The following DOCK2 variants were observed in gnomAD, a reference collection of about 807,000 sequenced individuals.
The protein encoded by DOCK2 is dedicator of cytokinesis protein 2.
In DOCK2, 87 loss-of-function variants were observed where a neutral mutation model predicts 248.9. The observed-to-expected ratio is 0.35, with a 90% CI of 0.29 to 0.42. The LOEUF (loss-of-function observed/expected upper bound fraction) is 0.42, where lower values mean the gene tolerates loss of function less well. DOCK2 is among the 10% of genes least tolerant of loss of function. DOCK2 has a pLI of 1.00. For synonymous variants in DOCK2, 805 were observed against 821.6 expected (o/e 0.98, Z 0.35); for missense variants, 1,747 against 2,300.2 (o/e 0.76, Z 4.92).
At chr5:170,078,254 C>T (rs1004860435) in intron 48 of DOCK2, among the ~76,000 whole-genome samples, 1 of 152,208 alleles carries the variant, frequency 6.6e-6, no homozygotes, top group Non-Finnish European at 1.5e-5. Context: ...CCTGCACCAC[C>T]TACCCACCCC....
At chr5:169,872,798 G>A (rs1275162493) in intron 27 of DOCK2, among the ~76,000 whole-genome samples, 1 of 152,184 alleles carries the variant, frequency 6.6e-6, no homozygotes, top group Non-Finnish European at 1.5e-5. Flanking sequence ...TTTGAGCCCT[G>A]GCTCCCTGGG....
At chr5:170,079,905 C>T (rs1007651623) in intron 49 of DOCK2, 16 of 425,908 alleles carry the variant, frequency 3.8e-5, no homozygotes, top group African/African-American at 5.9e-5. Context: ...CTGTGTTTGT[C>T]GATTCTAGGG....
intron 27 of DOCK2, among the ~76,000 whole-genome samples, chr5:169,915,959 T>C (rs564375702): frequency 6.6e-6 from 1 of 152,330 alleles, no homozygotes; most frequent in South Asian, 2.1e-4. Flanking sequence ...TGCTGAATTC[T>C]GTAAGATGAT....
chr5:170,034,620 G>T (rs187180782), intron 35 of DOCK2, 65 bp downstream of exon 35: 43 of 1,588,302 alleles, frequency 2.7e-5, no homozygotes, highest in Non-Finnish European at 5.1e-6. Flanking sequence ...CTTGGCTTTG[G>T]GTCTCACGAT....
intron 27 of DOCK2, among the ~76,000 whole-genome samples, chr5:169,911,220 C>T (rs1383779878): frequency 6.6e-6 from 1 of 152,180 alleles, no homozygotes; most frequent in East Asian, 1.9e-4. Context: ...TGCTTTGAAA[C>T]AGAGGATAAG....
intron 27 of DOCK2, among the ~76,000 whole-genome samples, chr5:169,978,041 C>T (rs554803177): frequency 2.6e-5 from 4 of 152,312 alleles, no homozygotes; most frequent in African/African-American, 9.6e-5. Context: ...GTCTCTGAGC[C>T]TCCCTCGGCA....
intron 1 of DOCK2, among the ~76,000 whole-genome samples, chr5:169,644,672 A>C (rs576219580): frequency 1.3e-5 from 2 of 151,016 alleles, no homozygotes; most frequent in Admixed American, 6.6e-5. Context: ...AGTGCAGAAC[A>C]TGCAGGTTTG....
chr5:169,702,775 C>T (rs1761058282), intron 14 of DOCK2, among the ~76,000 whole-genome samples: 1 of 152,030 alleles, frequency 6.6e-6, no homozygotes, highest in Non-Finnish European at 1.5e-5. Flanking sequence ...CTCACTGAAA[C>T]CTGAGCTGGT....
intron 27 of DOCK2, among the ~76,000 whole-genome samples, chr5:169,961,556 G>C (rs1777085921): frequency 6.6e-6 from 1 of 152,196 alleles, no homozygotes; most frequent in Non-Finnish European, 1.5e-5. Flanking sequence ...GGACTAAGCA[G>C]ACATTTCTCT....
Position 169,820,036 on chromosome 5 carries a change from CTG to C in DOCK2, c.2703+16831_2703+16832del, listed in dbSNP as rs906750818. Among the ~76,000 whole-genome samples the C allele has an allele frequency of 9.8e-4, 149 of 152,338 alleles. 1 individual carries two copies. The highest frequency in any genetic ancestry group is 3.4e-3 in the African/African-American group (142 of 41,584). On this transcript the variant is annotated intron_variant, in intron 26 of 51. Transcript: ENST00000520908. ...CCTCGCTCGTTGCTAGCACAGCAGTCTGAGATCGAACTGCAAGGCAACAGCGA... is the reference window on the plus strand; with the variant it reads ...CCTCGCTCGTTGCTAGCACAGCAGTCAGATCGAACTGCAAGGCAACAGCGA...
intron 27 of DOCK2, among the ~76,000 whole-genome samples, chr5:169,948,012 G>T (rs1776514141): frequency 6.6e-6 from 1 of 151,974 alleles, no homozygotes; most frequent in African/African-American, 2.4e-5. Context: ...TTCCTCTCAG[G>T]CCTTTCCTCT....
At chr5:169,929,450 C>T (rs142753663) in intron 27 of DOCK2, among the ~76,000 whole-genome samples, 2 of 152,150 alleles carry the variant, frequency 1.3e-5, no homozygotes, top group Non-Finnish European at 2.9e-5. Context: ...AAGAAGTCAT[C>T]CTGTGGCCAG....
chr5:169,766,671 T>G (rs1050789735), intron 25 of DOCK2, among the ~76,000 whole-genome samples: 4 of 152,230 alleles, frequency 2.6e-5, no homozygotes, highest in Non-Finnish European at 4.4e-5. Context: ...CAAACTGCTT[T>G]CCATGATGGC....
intron 23 of DOCK2, among the ~76,000 whole-genome samples, chr5:169,754,371 T>C: frequency 6.6e-6 from 1 of 152,184 alleles, no homozygotes. Flanking sequence ...TCTTGAGGGA[T>C]GTACCTGGCC....
chr5:169,786,539 C>T (rs1268062163), intron 25 of DOCK2, among the ~76,000 whole-genome samples: 1 of 152,198 alleles, frequency 6.6e-6, no homozygotes, highest in Non-Finnish European at 1.5e-5. Flanking sequence ...GCTGCCCTCT[C>T]TTGATGGCAG....
At chr5:169,922,520 G>A (rs1191439781) in intron 27 of DOCK2, among the ~76,000 whole-genome samples, 1 of 152,132 alleles carries the variant, frequency 6.6e-6, no homozygotes, top group Non-Finnish European at 1.5e-5. Flanking sequence ...GTAGATCTTG[G>A]CCATCACCTT....
intron 29 of DOCK2, among the ~76,000 whole-genome samples, chr5:169,995,335 A>G (rs529101986): frequency 6.6e-6 from 1 of 152,290 alleles, no homozygotes; most frequent in South Asian, 2.1e-4. Context: ...GGCCCATTTG[A>G]ACAGTATTAT....
chr5:169,969,931 G>T (rs1777439386), intron 27 of DOCK2, among the ~76,000 whole-genome samples: 1 of 152,228 alleles, frequency 6.6e-6, no homozygotes, highest in African/African-American at 2.4e-5. Flanking sequence ...AGTTCTTCTG[G>T]TTTTTAATTG....
chr5:170,080,218 T>A lies in DOCK2; in HGVS notation c.5222T>A (p.Ile1741Asn), dbSNP rs1247256767. The change falls in exon 50 of 52, where the codon ATC becomes AAC. Residue 1741 changes from isoleucine (I) to asparagine (N), a missense_variant. Transcript: ENST00000520908. ...ACCAACCTCTCGGAGCATGCGGCCATCCCCCTCAAGGCGTCTGTCCTCTCT... is the reference window on the plus strand; with the variant it reads ...ACCAACCTCTCGGAGCATGCGGCCAACCCCCTCAAGGCGTCTGTCCTCTCT... ...SDTNLSEHAA[I>N]PLKASVLSQM... 1 of 1,613,926 alleles carries A rather than the reference T, an allele frequency of 6.2e-7. No homozygotes were observed. Among genetic ancestry groups the A allele is most frequent in the African/African-American group, 1.3e-5 (1 of 74,876 alleles).
Sources: allele counts gnomAD v4.1 joint callset (sites outside exome capture counted in the v4.1 genomes callset), GRCh38; gene constraint gnomAD v4.1.1; transcripts MANE v1.5; gene names NCBI Gene and HGNC (gene_info 2026-07-23, HGNC 2026-07-21).